Variants in ZNF578 observed in about 807,000 individuals in gnomAD.
ZNF578 encodes zinc finger protein 578, also known as Putative chemokine-related protein B42.
A neutral mutation model predicts 8.3 loss-of-function variants in ZNF578; 8 were observed. The observed-to-expected ratio is 0.96, with a 90% CI of 0.56 to 1.74. The LOEUF (loss-of-function observed/expected upper bound fraction) is 1.74, where lower values mean the gene tolerates loss of function less well. Ranked by LOEUF, ZNF578 falls within the 40% of genes most tolerant of loss-of-function variation. The pLI is 0.00. For missense variants in ZNF578, 726 were observed against 707.5 expected (o/e 1.03, Z -0.30); for synonymous variants, 206 against 232.2 (o/e 0.89, Z 1.03).
Position 52,516,797 on chromosome 19 carries a change from T to C in ZNF578, c.*4643T>C, listed in dbSNP as rs979474271. On this transcript the variant is annotated 3_prime_UTR_variant, in exon 6 of 6. Transcript: ENST00000421239. ...TCCCAAAAGCTACAAGAACTAATGA[T>C]AATCCCACCATACTTTGCTGACTCT... is the stretch of plus-strand genomic sequence containing the variant. Among the ~76,000 whole-genome samples, 5 of 152,156 alleles carry C rather than the reference T, an allele frequency of 3.3e-5. No homozygotes were observed. Among genetic ancestry groups the C allele is most frequent in the African/African-American group, 1.2e-4 (5 of 41,432 alleles).
At chr19:52,507,055 C>G (rs1226676894) in intron 5 of ZNF578, among the ~76,000 whole-genome samples, 3 of 152,056 alleles carry the variant, frequency 2.0e-5, no homozygotes, top group Non-Finnish European at 2.9e-5. Context: ...GAGTTTGAGA[C>G]CAGTCGGGCA....
At chr19:52,482,182 C>G (rs558999504) in intron 2 of ZNF578, among the ~76,000 whole-genome samples, 1 of 152,268 alleles carries the variant, frequency 6.6e-6, no homozygotes, top group African/African-American at 2.4e-5. Flanking sequence ...TACAGGCATG[C>G]ACCACAACGC....
chr19:52,476,447 T>G (rs1013016833), intron 2 of ZNF578, among the ~76,000 whole-genome samples: 35 of 152,202 alleles, frequency 2.3e-4, no homozygotes, highest in African/African-American at 8.4e-4. Context: ...GAAATATCAA[T>G]GACCCCCATC....
chr19:52,467,150 A>T (rs1014032265), intron 2 of ZNF578, among the ~76,000 whole-genome samples: 1 of 151,898 alleles, frequency 6.6e-6, no homozygotes, highest in Non-Finnish European at 1.5e-5. Context: ...AGCTGGGATT[A>T]TAGGTGCATG....
In ZNF578 at chr19:52,512,380, A is replaced by G; in HGVS notation, c.*226A>G. ...TTGTCACAAAGTCTTCAGTAACGCT[A>G]CAACGATTGCAAATCATTGGAGAAT... On this transcript the variant is annotated 3_prime_UTR_variant, in exon 6 of 6. Transcript: ENST00000421239. The G allele has an allele frequency of 2.0e-6, 3 of 1,498,112 alleles. No homozygotes were observed. The highest frequency in any genetic ancestry group is 1.1e-5 in the South Asian group (1 of 88,546). 92.8% of individuals were successfully genotyped at this position (1,498,112 alleles called of 1,614,324 possible).
intron 5 of ZNF578, among the ~76,000 whole-genome samples, chr19:52,506,719 C>G (rs1183879182): frequency 6.6e-6 from 1 of 152,118 alleles, no homozygotes; most frequent in Non-Finnish European, 1.5e-5. Flanking sequence ...ATCCACCTGC[C>G]CATTATGCCT....
chr19:52,501,310 T>C (rs2059406408), intron 3 of ZNF578, among the ~76,000 whole-genome samples: 1 of 152,206 alleles, frequency 6.6e-6, no homozygotes, highest in African/African-American at 2.4e-5. Flanking sequence ...CAACCCTGGC[T>C]TCACATTAGA....
intron 2 of ZNF578, among the ~76,000 whole-genome samples, chr19:52,459,308 T>G (rs1277113451): frequency 1.3e-5 from 2 of 152,224 alleles, no homozygotes; most frequent in African/African-American, 4.8e-5. Context: ...TTTATATGCA[T>G]TTGACTACTT....
At chr19:52,471,675 C>G (rs1302604415) in intron 2 of ZNF578, among the ~76,000 whole-genome samples, 1 of 152,182 alleles carries the variant, frequency 6.6e-6, no homozygotes, top group African/African-American at 2.4e-5. Context: ...GAAGTCTACC[C>G]TGCTTTCTCC....
At chr19:52,470,625 G>T (rs2059289045) in intron 2 of ZNF578, among the ~76,000 whole-genome samples, 2 of 152,146 alleles carry the variant, frequency 1.3e-5, no homozygotes, top group African/African-American at 4.8e-5. Context: ...CCAGTTGACT[G>T]CCAGACGGCT....
chr19:52,498,329 GTT>G (rs58765518), intron 3 of ZNF578, among the ~76,000 whole-genome samples: 26,420 of 113,716 alleles, frequency 0.23, 2,729 homozygotes, highest in Admixed American at 0.26. Context: ...GCTAATGTGT[GTT>G]TTTTTTTTTT....
intron 4 of ZNF578, among the ~76,000 whole-genome samples, chr19:52,502,492 T>A (rs547892675): frequency 1.3e-5 from 2 of 152,312 alleles, no homozygotes; most frequent in African/African-American, 4.8e-5. Flanking sequence ...ATCACAGCAC[T>A]TTGGGAGGCC....
At chr19:52,483,537 C>T (rs1264479080) in intron 2 of ZNF578, among the ~76,000 whole-genome samples, 1 of 152,198 alleles carries the variant, frequency 6.6e-6, no homozygotes, top group African/African-American at 2.4e-5. Context: ...ACAATAAGAA[C>T]TCTGAACATC....
chr19:52,468,920 T>C (rs907340920), intron 2 of ZNF578, among the ~76,000 whole-genome samples: 15 of 152,298 alleles, frequency 9.8e-5, no homozygotes, highest in African/African-American at 3.6e-4. Context: ...CTCGAGCCTT[T>C]GGTCACAGAC....
intron 2 of ZNF578, among the ~76,000 whole-genome samples, chr19:52,475,464 C>A (rs1357794770): frequency 6.6e-6 from 1 of 151,260 alleles, no homozygotes; most frequent in South Asian, 2.1e-4. Context: ...TCAAGCAGTT[C>A]TCCTGCCTCA....
intron 2 of ZNF578, among the ~76,000 whole-genome samples, chr19:52,478,664 CAG>C (rs1321083912): frequency 1.3e-5 from 2 of 152,130 alleles, no homozygotes; most frequent in East Asian, 3.9e-4. Flanking sequence ...GTGGAGAAAA[CAG>C]ATGATCAACT....
In ZNF578 at chr19:52,505,044, C is replaced by T. The variant is rs555045671; in HGVS notation, c.190+263C>T. ...CTGGGATTATAGGCATGCGCCACCA[C>T]GCCCAGCTAACTTTGTATTTTTAGT... On this transcript the variant is annotated intron_variant, in intron 5 of 5. Coordinates refer to ENST00000421239, the MANE Select transcript of ZNF578 (RefSeq NM_001099694.2). Among the ~76,000 whole-genome samples, 4 of 152,214 alleles carry T rather than the reference C, an allele frequency of 2.6e-5. No individual in the cohort carries two copies. The South Asian group carries it at 6.2e-4, about 24-fold the overall frequency.
At chr19:52,484,708 CTCCTGGCTCA>C (rs2059338839) in intron 2 of ZNF578, among the ~76,000 whole-genome samples, 1 of 151,872 alleles carries the variant, frequency 6.6e-6, no homozygotes, top group African/African-American at 2.4e-5. Flanking sequence ...GAAATTCCTT[CTCCTGGCTCA>C]TCCTGGCTCA....
In ZNF578 at chr19:52,494,426, G is replaced by A. The variant is rs528324200; in HGVS notation, c.-20+3001G>A. On this transcript the variant is annotated intron_variant, in intron 3 of 5. Transcript: ENST00000421239. The stretch of plus-strand genomic sequence containing the variant: ...GCTGGAGGATCACTTGAGCCCAGGA[G>A]CTCCAGGCTGCTGTGAGCAGAGATC... Among the ~76,000 whole-genome samples the A allele has an allele frequency of 1.0e-3, 158 of 152,314 alleles. 1 individual carries two copies. Among genetic ancestry groups the A allele is most frequent in the Non-Finnish European group, 7.5e-4 (51 of 68,026 alleles).
Sources: gnomAD v4.1 joint callset for allele counts (sites outside exome capture counted in the v4.1 genomes callset) on GRCh38, gnomAD v4.1.1 for gene constraint, MANE v1.5 for transcripts, NCBI Gene and HGNC (gene_info 2026-07-23, HGNC 2026-07-21) for gene names.